ARHGAP26: variants seen among roughly 807,000 people sequenced by gnomAD.
ARHGAP26 encodes the protein rho GTPase-activating protein 26.
A neutral mutation model predicts 104.8 loss-of-function variants in ARHGAP26; 38 were observed. The observed-to-expected ratio is 0.36, with a 90% confidence interval of 0.28 to 0.48. The LOEUF is 0.48. Ranked by LOEUF, ARHGAP26 falls within the 20% of genes least tolerant of loss-of-function variation. The probability of loss-of-function intolerance (pLI) is 0.99; values close to 1 mark genes in which losing one functional copy is unlikely to be tolerated. For missense variants in ARHGAP26, 704 were observed against 947.9 expected (o/e 0.74, Z 3.38); for synonymous variants, 341 against 340.0 (o/e 1.00, Z -0.03).
At chr5:142,858,122 T>C (rs1281249568) in intron 1 of ARHGAP26, among the ~76,000 whole-genome samples, 1 of 150,678 alleles carries the variant, frequency 6.6e-6, no homozygotes, top group Non-Finnish European at 1.5e-5. Flanking sequence ...GGAGTGTGTG[T>C]GTGTGTGTGT....
chr5:142,989,811 G>T (rs988886432), intron 11 of ARHGAP26, among the ~76,000 whole-genome samples: 1 of 152,158 alleles, frequency 6.6e-6, no homozygotes, highest in Non-Finnish European at 1.5e-5. Context: ...TAGAGTTTCT[G>T]CCGAGAGATC....
At position 143,223,894 on chromosome 5, in the gene ARHGAP26, T is replaced by C. The variant is rs1264565498; in HGVS notation, c.*1448T>C. 1.3e-5 allele frequency: 3 copies of C among 231,354 alleles called. No homozygotes were observed. The highest frequency in any genetic ancestry group is 2.6e-5 in the Non-Finnish European group (3 of 116,758). 14.3% of individuals were successfully genotyped at this position (231,354 alleles called of 1,614,324 possible). On this transcript the variant is annotated 3_prime_UTR_variant, in exon 23 of 23. Coordinates refer to ENST00000645722, the MANE Select transcript of ARHGAP26 (RefSeq NM_001135608.3). Reference sequence around the variant, plus strand: ...CTGGAGATTTCAAATTCACTTGGCCTGCAAACAACAGAGTTATCCGTATCT... The same window carrying C: ...CTGGAGATTTCAAATTCACTTGGCCCGCAAACAACAGAGTTATCCGTATCT...
intron 20 of ARHGAP26, among the ~76,000 whole-genome samples, chr5:143,155,190 C>T (rs1188667401): frequency 2.0e-5 from 3 of 152,194 alleles, no homozygotes; most frequent in Admixed American, 2.0e-4. Flanking sequence ...CCTTGCTCCC[C>T]ACAGTGCCCT....
intron 1 of ARHGAP26, among the ~76,000 whole-genome samples, chr5:142,809,024 T>C (rs1365745563): frequency 6.6e-6 from 1 of 152,238 alleles, no homozygotes; most frequent in Non-Finnish European, 1.5e-5. Flanking sequence ...GGCTGGCTGT[T>C]CTGATTTTAA....
intron 11 of ARHGAP26, among the ~76,000 whole-genome samples, chr5:142,936,955 AAG>A: frequency 6.6e-6 from 1 of 152,284 alleles, no homozygotes; most frequent in South Asian, 2.1e-4. Flanking sequence ...GGACTAGATG[AAG>A]AGTTTTTAGA....
At chr5:142,862,767 T>A (rs1018956410) in intron 1 of ARHGAP26, among the ~76,000 whole-genome samples, 1 of 152,218 alleles carries the variant, frequency 6.6e-6, no homozygotes, top group East Asian at 1.9e-4. Context: ...CTTATAAACC[T>A]CTTCCAAGAA....
At chr5:143,202,587 A>G (rs555911421) in intron 20 of ARHGAP26, 2 of 152,312 alleles carry the variant, frequency 1.3e-5, no homozygotes, top group Admixed American at 1.3e-4. Flanking sequence ...TTTAAATTTC[A>G]TATGGAACCA....
intron 14 of ARHGAP26, among the ~76,000 whole-genome samples, chr5:143,045,904 T>G (rs758563576): frequency 6.6e-6 from 1 of 151,858 alleles, no homozygotes; most frequent in Non-Finnish European, 1.5e-5. Flanking sequence ...GAGGTCAAGG[T>G]GAGCGATCAC....
chr5:142,975,365 A>G (rs965625750), intron 11 of ARHGAP26, among the ~76,000 whole-genome samples: 1 of 149,118 alleles, frequency 6.7e-6, no homozygotes, highest in African/African-American at 2.5e-5. Flanking sequence ...CCTTTCTCCC[A>G]GCTTCTTCCA....
intron 10 of ARHGAP26, among the ~76,000 whole-genome samples, chr5:142,927,683 A>T (rs1039126984): frequency 5.9e-5 from 9 of 152,230 alleles, no homozygotes; most frequent in African/African-American, 2.2e-4. Flanking sequence ...TCTCTTGAGT[A>T]TATATGTAGA....
At chr5:142,922,943 G>A (rs1051487220) in intron 10 of ARHGAP26, among the ~76,000 whole-genome samples, 2 of 152,156 alleles carry the variant, frequency 1.3e-5, no homozygotes, top group African/African-American at 4.8e-5. Flanking sequence ...CTTCCTCAGA[G>A]GGTGTTATAT....
intron 8 of ARHGAP26, among the ~76,000 whole-genome samples, chr5:142,904,262 C>T (rs997410904): frequency 5.3e-5 from 8 of 151,704 alleles, no homozygotes; most frequent in Non-Finnish European, 1.0e-4. Flanking sequence ...AGGCTGAGGT[C>T]GGTGGATTGC....
chr5:143,057,547 GT>G (rs758058483), intron 16 of ARHGAP26, 94 bp from the exon 17 acceptor site: 17 of 948,936 alleles, frequency 1.8e-5, no homozygotes, highest in Non-Finnish European at 2.8e-5. Flanking sequence ...TCCTTGGGCT[GT>G]TAGTGCTCAT....
At chr5:142,949,232 G>GAGAGAGAGAGGA (rs11369150) in intron 11 of ARHGAP26, among the ~76,000 whole-genome samples, 1 of 27,338 alleles carries the variant, frequency 3.7e-5, no homozygotes, top group African/African-American at 3.1e-4. Flanking sequence ...GAGAGAGAGA[G>GAGAGAGAGAGGA]GAGAGAGAGA....
chr5:142,891,924 T>C (rs1758720356), intron 5 of ARHGAP26, among the ~76,000 whole-genome samples: 1 of 151,990 alleles, frequency 6.6e-6, no homozygotes. Context: ...TAGAGCTTTA[T>C]AGTGAGAGTT....
chr5:143,057,804 C>T lies in ARHGAP26; in HGVS notation c.1538+57C>T, dbSNP rs574574569. 6.7e-5 allele frequency: 94 copies of T among 1,411,876 alleles called. 1 individual carries two copies. The South Asian group carries it at 1.0e-3, about 16-fold the overall frequency. The allele number at this position is 1,411,876 out of a possible 1,614,324, so 87.5% of individuals were successfully genotyped here. ...TTACCCCTGAAAGTTCTTATCTTAG[C>T]AGTGAAGCTGGTCTCAGTTCTGCTT... On this transcript the variant is annotated intron_variant, in intron 17 of 22. Transcript: ENST00000645722.
chr5:143,215,172 C>T (rs745700854), intron 22 of ARHGAP26, among the ~76,000 whole-genome samples: 2 of 152,232 alleles, frequency 1.3e-5, no homozygotes, highest in Non-Finnish European at 2.9e-5. Context: ...GGCTTCTGCC[C>T]CCCTGCTTTG....
intron 17 of ARHGAP26, among the ~76,000 whole-genome samples, chr5:143,074,884 C>T (rs1021141533): frequency 3.3e-5 from 5 of 152,224 alleles, no homozygotes; most frequent in Non-Finnish European, 7.3e-5. Flanking sequence ...ATGACACCTT[C>T]TCTGTTAGGA....
intron 19 of ARHGAP26, among the ~76,000 whole-genome samples, chr5:143,144,900 C>T (rs913106577): frequency 6.6e-6 from 1 of 152,192 alleles, no homozygotes; most frequent in Non-Finnish European, 1.5e-5. Flanking sequence ...CCTAGATGTT[C>T]TCAGTCTCAT....
Sources: allele counts gnomAD v4.1 joint callset (sites outside exome capture counted in the v4.1 genomes callset), GRCh38; gene constraint gnomAD v4.1.1; transcripts MANE v1.5; gene names NCBI Gene and HGNC (gene_info 2026-07-23, HGNC 2026-07-21).